TRPC1: variants seen among roughly 807,000 people sequenced by gnomAD.
The protein encoded by TRPC1 is transient receptor potential cation channel subfamily C member 1.
TRPC1 carries 42 observed loss-of-function variants against 88.2 expected under a neutral mutation model. That is an observed-to-expected ratio of 0.48 (90% CI 0.37 to 0.62). The LOEUF is 0.62. Among genes scored for constraint, TRPC1 ranks in the 20% least tolerant of loss-of-function variants. TRPC1 has a pLI of 0.00. For missense variants in TRPC1, 699 were observed against 957.3 expected (o/e 0.73, Z 3.56); for synonymous variants, 288 against 331.8 (o/e 0.87, Z 1.43).
chr3:142,753,411 G>C (rs1325419743), intron 4 of TRPC1, among the ~76,000 whole-genome samples: 1 of 152,202 alleles, frequency 6.6e-6, no homozygotes, highest in Non-Finnish European at 1.5e-5. Context: ...AAGGACCCCT[G>C]ACTTAAGTCA....
chr3:142,803,982 T>C lies in TRPC1; in HGVS notation c.1763T>C (p.Ile588Thr), dbSNP rs200537637. ...AAATGCAATTGTCTTTACAGGTTCATTGGCACCTGCTTTGCTTTGTTCTGG... is the reference window on the plus strand; with the variant it reads ...AAATGCAATTGTCTTTACAGGTTCACTGGCACCTGCTTTGCTTTGTTCTGG... ...QQSNDTFHSF[I>T]GTCFALFWYI... The change falls in exon 11 of 13, where the codon ATT becomes ACT. Residue 588 changes from isoleucine (I) to threonine (T), a missense_variant. Around this residue, in one of 4 missense-constraint regions of TRPC1, gnomAD observed 426 missense variants for 641.3 expected, o/e 0.66. Coordinates refer to ENST00000476941, the MANE Select transcript of TRPC1 (RefSeq NM_001251845.2). The C allele has an allele frequency of 8.1e-5, 131 of 1,613,368 alleles. No individual in the cohort carries two copies. The highest frequency in any genetic ancestry group is 1.6e-4 in the Middle Eastern group (1 of 6,072).
intron 7 of TRPC1, among the ~76,000 whole-genome samples, chr3:142,786,786 TAAAC>T (rs1351831081): frequency 6.6e-6 from 1 of 152,324 alleles, no homozygotes; most frequent in East Asian, 1.9e-4. Flanking sequence ...TCCTTAGTCT[TAAAC>T]AGATGAAATT....
At chr3:142,734,570 G>A (rs1176599870) in intron 1 of TRPC1, among the ~76,000 whole-genome samples, 5 of 152,110 alleles carry the variant, frequency 3.3e-5, no homozygotes, top group African/African-American at 9.7e-5. Flanking sequence ...AAAGCAATAT[G>A]GAGATGAAGC....
At chr3:142,732,257 C>T (rs532337774) in intron 1 of TRPC1, among the ~76,000 whole-genome samples, 11 of 152,048 alleles carry the variant, frequency 7.2e-5, no homozygotes, top group Non-Finnish European at 1.3e-4. Flanking sequence ...AGTTAGGCTC[C>T]TACCCTCCCT....
At chr3:142,737,217 C>CTT (rs200417176) in intron 2 of TRPC1, among the ~76,000 whole-genome samples, 117 of 142,320 alleles carry the variant, frequency 8.2e-4, no homozygotes, top group Non-Finnish European at 1.5e-3. Flanking sequence ...AATTCTACCT[C>CTT]TTTTTTTTTT....
Position 142,724,582 on chromosome 3 carries a change from G to A in TRPC1, c.23G>A (p.Ser8Asn). 2 of 1,592,054 alleles carry A rather than the reference G, an allele frequency of 1.3e-6. No homozygotes were observed. Among genetic ancestry groups the A allele is most frequent in the Non-Finnish European group, 1.7e-6 (2 of 1,170,734 alleles). ...GCGATGATGGCGGCCCTGTACCCGA[G>A]CACGGACCTCTCGGGCGCCTCCTCC... MMAALYPSTDLSGASSSS... is the reference protein window; with the variant it reads MMAALYPNTDLSGASSSS... The change falls in exon 1 of 13, where the codon AGC (serine) becomes AAC (asparagine). Residue 8 changes from serine (S) to asparagine (N), a missense_variant. Transcript: ENST00000476941. The surrounding 1 kb of genome is among the most constrained non-coding windows in gnomAD (Gnocchi z 5.6).
In TRPC1 at chr3:142,733,569, C is replaced by CTT. The variant is rs577606525; in HGVS notation, c.173-2806_173-2805dup. 3.3e-5 allele frequency among the ~76,000 whole-genome samples: 5 copies of CTT among 152,186 alleles called. No individual in the cohort carries two copies. In the East Asian group the frequency reaches 9.6e-4, roughly 29 times the overall value. On this transcript the variant is annotated intron_variant, in intron 1 of 12. Transcript: ENST00000476941. The stretch of plus-strand genomic sequence containing the variant: ...TATATGATATTTGTAATGTACTTTC[C>CTT]TTTTTAACAGCAATCTAAACTTTTA...
chr3:142,782,057 C>T (rs1935973164), intron 6 of TRPC1, among the ~76,000 whole-genome samples: 1 of 151,654 alleles, frequency 6.6e-6, no homozygotes, highest in Non-Finnish European at 1.5e-5. Context: ...CTAAAAGGGA[C>T]ATGAAGTCCT....
rs760049639 is a variant in TRPC1 at position 142,802,259 on chromosome 3, C to T, written c.1672C>T (p.Leu558=). 8.1e-6 allele frequency: 13 copies of T among 1,600,278 alleles called. No homozygotes were observed. Among genetic ancestry groups the T allele is most frequent in the Non-Finnish European group, 1.1e-5 (13 of 1,174,370 alleles). ...LFSFTIGLTQ[L]YDKGYTSKEQ... is the part of the protein sequence containing the mutation. ...TTCTTTCACAATTGGACTGACACAA[C>T]TGTATGATAAAGGATATACTTCAAA... The change falls in exon 10 of 13, where the codon CTG becomes TTG. Residue 558 remains leucine, a synonymous_variant. Coordinates refer to ENST00000476941, the MANE Select transcript of TRPC1 (RefSeq NM_001251845.2).
intron 1 of TRPC1, among the ~76,000 whole-genome samples, chr3:142,731,067 A>C (rs1378637219): frequency 6.6e-6 from 1 of 152,202 alleles, no homozygotes; most frequent in African/African-American, 2.4e-5. Context: ...ACAGTTGGCC[A>C]GAGTAAATTT....
At chr3:142,762,630 T>C (rs1416639647) in intron 4 of TRPC1, among the ~76,000 whole-genome samples, 2 of 151,812 alleles carry the variant, frequency 1.3e-5, no homozygotes, top group Non-Finnish European at 2.9e-5. Flanking sequence ...GGTTTCACCA[T>C]GTTGGCCAGA....
At chr3:142,734,467 A>G (rs1934045856) in intron 1 of TRPC1, among the ~76,000 whole-genome samples, 1 of 152,138 alleles carries the variant, frequency 6.6e-6, no homozygotes, top group Non-Finnish European at 1.5e-5. Flanking sequence ...CAGGAAAGAG[A>G]GAGGAAAAAA....
chr3:142,798,329 G>A (rs1936513910), intron 9 of TRPC1, among the ~76,000 whole-genome samples: 1 of 152,134 alleles, frequency 6.6e-6, no homozygotes, highest in Non-Finnish European at 1.5e-5. Flanking sequence ...CTGGGCTCTG[G>A]AGCTTACTAA....
intron 1 of TRPC1, among the ~76,000 whole-genome samples, chr3:142,731,345 C>G (rs368653070): frequency 6.9e-6 from 1 of 145,146 alleles, no homozygotes; most frequent in Non-Finnish European, 1.5e-5. Context: ...ATAGAAAAAT[C>G]ACAAAGTTTG....
At chr3:142,801,903 C>G (rs1387781205) in intron 9 of TRPC1, among the ~76,000 whole-genome samples, 2 of 152,126 alleles carry the variant, frequency 1.3e-5, no homozygotes, top group African/African-American at 4.8e-5. Flanking sequence ...GCCTCTATCT[C>G]CATAACAACA....
rs1577978472 is a variant in TRPC1 at position 142,767,812 on chromosome 3, G to C, written c.633-9820G>C. Among the ~76,000 whole-genome samples the C allele has an allele frequency of 6.6e-6, 1 of 151,602 alleles. No homozygotes were observed. The highest frequency in any genetic ancestry group is 1.9e-4 in the East Asian group (1 of 5,192). ...ATATGAATGACATCTTTTGCTTAAT[G>C]GATATCTGCATATCTTTATTAGATA... On this transcript the variant is annotated intron_variant, in intron 4 of 12. Coordinates refer to ENST00000476941, the MANE Select transcript of TRPC1 (RefSeq NM_001251845.2). The surrounding 1 kb of genome is among the most constrained non-coding windows in gnomAD (Gnocchi z 5.1).
intron 5 of TRPC1, among the ~76,000 whole-genome samples, chr3:142,780,163 T>A (rs894099620): frequency 6.6e-6 from 1 of 152,166 alleles, no homozygotes; most frequent in African/African-American, 2.4e-5. Flanking sequence ...TGATATTTTT[T>A]AAAAGAATTA....
intron 1 of TRPC1, among the ~76,000 whole-genome samples, chr3:142,732,788 G>T (rs1044379466): frequency 1.3e-5 from 2 of 152,162 alleles, no homozygotes; most frequent in African/African-American, 4.8e-5. Context: ...AAAGACAAAA[G>T]ATGTAACTCT....
intron 1 of TRPC1, among the ~76,000 whole-genome samples, chr3:142,725,103 G>C (rs1360687974): frequency 6.6e-6 from 1 of 152,218 alleles, no homozygotes; most frequent in Non-Finnish European, 1.5e-5. Context: ...GGAGTCGAGA[G>C]GCTAGTTTCC....
Sources: gnomAD v4.1 joint callset for allele counts (sites outside exome capture counted in the v4.1 genomes callset) on GRCh38, gnomAD v4.1.1 for gene constraint, gnomAD v4.1.1 regional missense constraint, Gnocchi (gnomAD v3.1) non-coding constraint, MANE v1.5 for transcripts, NCBI Gene and HGNC (gene_info 2026-07-23, HGNC 2026-07-21) for gene names.